ELP1: variants seen among roughly 807,000 people sequenced by gnomAD.
ELP1 encodes elongator complex protein 1.
In ELP1, 131 loss-of-function variants were observed where a neutral mutation model predicts 183.2. The ratio of observed to expected loss-of-function variants is 0.72; its 90% CI spans 0.62 to 0.83. The LOEUF (loss-of-function observed/expected upper bound fraction) is 0.83. Ranked by LOEUF, ELP1 falls within the 40% of genes least tolerant of loss-of-function variation. ELP1 has a pLI of 0.00. For missense variants in ELP1, 1,550 were observed against 1,594.9 expected, an observed-to-expected ratio of 0.97 and a Z score of 0.48; for synonymous variants, 555 against 569.0, an observed-to-expected ratio of 0.98 and a Z score of 0.35.
At chr9:108,883,979 CAG>C (rs938698070) in intron 29 of ELP1, among the ~76,000 whole-genome samples, 61 of 150,068 alleles carry the variant, frequency 4.1e-4, no homozygotes, top group African/African-American at 1.4e-3. Flanking sequence ...AATTAAAAGA[CAG>C]AGATTGTCAA....
chr9:108,901,574 T>C, intron 17 of ELP1, 44 bp from the exon 18 acceptor site: 1 of 1,607,336 alleles, frequency 6.2e-7, no homozygotes, highest in Non-Finnish European at 8.5e-7. Flanking sequence ...GCTAGCTAGA[T>C]TACTCGGAGC....
At chr9:108,917,496 AG>A in intron 9 of ELP1, 50 bp downstream of exon 9, 1 of 1,567,222 alleles carries the variant, frequency 6.4e-7, no homozygotes, top group Non-Finnish European at 8.8e-7. Flanking sequence ...TTCCCTCTAT[AG>A]CTATGGAAAG....
At position 108,914,714 on chromosome 9, in the gene ELP1, C is replaced by T. The variant is rs578005086; in HGVS notation, c.958+1490G>A. Among the ~76,000 whole-genome samples, 6 of 152,216 alleles carry T rather than the reference C, an allele frequency of 3.9e-5. No individual in the cohort carries two copies. In the East Asian group the frequency reaches 1.2e-3, roughly 30 times the overall value. On this transcript the variant is annotated intron_variant, in intron 10 of 36. Coordinates refer to ENST00000374647, the MANE Select transcript of ELP1 (RefSeq NM_003640.5). The stretch of plus-strand genomic sequence containing the variant: ...TCTCCATTCACTGCAAGCTCCGCCT[C>T]CTCCAGGTTCACACCATTCTCCTGC...
intron 4 of ELP1, 26 bp downstream of exon 4, chr9:108,927,346 C>T: frequency 6.3e-7 from 1 of 1,576,516 alleles, no homozygotes; most frequent in Non-Finnish European, 8.7e-7. Flanking sequence ...TTAAAAAAGC[C>T]AGTGAGGCAC....
At chr9:108,881,373 T>C (rs1043056597) in intron 31 of ELP1, among the ~76,000 whole-genome samples, 2 of 152,242 alleles carry the variant, frequency 1.3e-5, no homozygotes, top group African/African-American at 2.4e-5. Context: ...TATTATCTTA[T>C]ATAACCACAA....
At chr9:108,917,148 T>C (rs1045570493) in intron 9 of ELP1, among the ~76,000 whole-genome samples, 10 of 152,220 alleles carry the variant, frequency 6.6e-5, no homozygotes, top group African/African-American at 2.4e-4. Flanking sequence ...CTAAAGCTAC[T>C]ATTTATATAT....
At position 108,916,246 on chromosome 9, in the gene ELP1, C is replaced by T. The variant is rs754384114; in HGVS notation, c.916G>A (p.Glu306Lys). 11 of 1,614,160 alleles carry T rather than the reference C, an allele frequency of 6.8e-6. No individual in the cohort carries two copies. In the South Asian group the frequency reaches 1.2e-4, roughly 18 times the overall value. ...ADSSVLAVWL[E>K]DLQREESSIP... ...GAGCTTTCTTCTCTCTGAAGGTCTT[C>T]CAGCCAGACTGCAAGCACAGAGGAA... is the stretch of plus-strand genomic sequence containing the variant. The change falls in exon 10 of 37, where the codon GAA becomes AAA. Residue 306 changes from glutamate to lysine, a missense_variant. Coordinates refer to ENST00000374647, the MANE Select transcript of ELP1 (RefSeq NM_003640.5).
intron 14 of ELP1, among the ~76,000 whole-genome samples, chr9:108,904,085 T>G (rs1210239326): frequency 6.6e-6 from 1 of 152,168 alleles, no homozygotes; most frequent in Non-Finnish European, 1.5e-5. Flanking sequence ...CTTAAAATAG[T>G]TAAAGCAGCT....
At chr9:108,886,695 A>G (rs1364260308) in intron 29 of ELP1, among the ~76,000 whole-genome samples, 1 of 152,194 alleles carries the variant, frequency 6.6e-6, no homozygotes, top group Non-Finnish European at 1.5e-5. Context: ...TTTTTCCTGT[A>G]AAAGATTAGA....
At chr9:108,870,961 C>A (rs1301828462) in intron 36 of ELP1, among the ~76,000 whole-genome samples, 1 of 144,596 alleles carries the variant, frequency 6.9e-6, no homozygotes, top group Non-Finnish European at 1.5e-5. Context: ...TGAAATCCTT[C>A]ATGCACCATT....
At chr9:108,917,780 T>C in intron 8 of ELP1, 110 bp from the exon 9 acceptor site, 6 of 1,150,416 alleles carry the variant, frequency 5.2e-6, no homozygotes, top group African/African-American at 1.5e-5. Flanking sequence ...AATGAACGAA[T>C]TAATGAATAT....
intron 12 of ELP1, 125 bp from the exon 13 acceptor site, chr9:108,908,529 C>G: frequency 5.4e-6 from 4 of 736,760 alleles, no homozygotes. Flanking sequence ...AATCACATCT[C>G]AACCTCCTTA....
In ELP1 at chr9:108,874,912, G is replaced by T; in HGVS notation, c.3914C>A (p.Thr1305Asn). ...SIMASYQQQK[T>N]SVPVLDAELF... ...ATACTAACCAAGAACAGGAACCGAA[G>T]TCTTCTGTTGCTGATAAGATGCCAT... The change falls in exon 36 of 37, where the codon ACT becomes AAT. Residue 1305 changes from threonine to asparagine, a missense_variant. Coordinates refer to ENST00000374647, the MANE Select transcript of ELP1 (RefSeq NM_003640.5). 6.2e-7 allele frequency: 1 copy of T among 1,611,344 alleles called. No individual in the cohort carries two copies. The highest frequency in any genetic ancestry group is 8.5e-7 in the Non-Finnish European group (1 of 1,177,618).
chr9:108,910,955 G>C, intron 12 of ELP1, 55 bp downstream of exon 12: 1 of 1,535,022 alleles, frequency 6.5e-7, no homozygotes, highest in Admixed American at 1.7e-5. Context: ...TTGCTTTTAT[G>C]TAGGAGTAGA....
At position 108,875,695 on chromosome 9, in the gene ELP1, G is replaced by A. The variant is rs186383612; in HGVS notation, c.3856-725C>T. On this transcript the variant is annotated intron_variant, in intron 35 of 36. Coordinates refer to ENST00000374647, the MANE Select transcript of ELP1 (RefSeq NM_003640.5). ...GGATCACTTGAGGCCAGGAGTTCAA[G>A]ACCAGCTTGGGCAACACAGCAAGAC... The A allele has an allele frequency of 9.6e-6, 4 of 415,380 alleles. No individual in the cohort carries two copies. In the East Asian group the frequency reaches 3.2e-4, roughly 34 times the overall value. 25.7% of individuals were successfully genotyped at this position (415,380 alleles called of 1,614,324 possible).
At chr9:108,894,215 C>G in intron 25 of ELP1, 149 bp from the exon 26 acceptor site, 1 of 503,050 alleles carries the variant, frequency 2.0e-6, no homozygotes, top group Non-Finnish European at 3.4e-6. Flanking sequence ...TATATAAAAT[C>G]AAACTACAGT....
In ELP1 at chr9:108,919,108, T is replaced by C. The variant is rs537466191; in HGVS notation, c.649+145A>G. ...AAAGGACTCTTCTAATTCTTAACTC[T>C]AACCTCATTTCACATTTAAAGCAGC... On this transcript the variant is annotated intron_variant, in intron 7 of 36. Transcript: ENST00000374647. The C allele has an allele frequency of 2.7e-4, 205 of 752,226 alleles. 1 individual carries two copies. In the East Asian group the frequency reaches 5.3e-3, roughly 19 times the overall value. The allele number at this position is 752,226 out of a possible 1,614,324, so 46.6% of individuals were successfully genotyped here.
chr9:108,933,034 C>G (rs750153915), intron 1 of ELP1, among the ~76,000 whole-genome samples: 2 of 152,180 alleles, frequency 1.3e-5, no homozygotes. Context: ...ATCACCAATA[C>G]GCTGATTAGG....
chr9:108,917,815 C>T (rs1288309067), intron 8 of ELP1, 145 bp from the exon 9 acceptor site: 1 of 927,066 alleles, frequency 1.1e-6, no homozygotes, highest in East Asian at 2.5e-5. Flanking sequence ...GTTTTAAATC[C>T]CATGTGTCCC....
Sources: allele counts gnomAD v4.1 joint callset (sites outside exome capture counted in the v4.1 genomes callset), GRCh38; gene constraint gnomAD v4.1.1; transcripts MANE v1.5; gene names NCBI Gene and HGNC (gene_info 2026-07-23, HGNC 2026-07-21).